Variants in MAX observed in about 807,000 individuals in gnomAD.
MAX encodes the protein protein max.
Under a neutral mutation model 22.3 loss-of-function variants are expected in MAX, and 3 were observed. The ratio of observed to expected loss-of-function variants is 0.13; its 90% CI spans 0.06 to 0.35. The LOEUF (loss-of-function observed/expected upper bound fraction) is 0.35. MAX is among the 10% of genes least tolerant of loss of function. The pLI is 1.00. For synonymous variants in MAX, 72 were observed against 77.7 expected, an observed-to-expected ratio of 0.93 and a Z score of 0.39; for missense variants, 119 against 209.4, an observed-to-expected ratio of 0.57 and a Z score of 2.66.
intron 2 of MAX, among the ~76,000 whole-genome samples, chr14:65,101,180 G>A (rs191237265): frequency 6.6e-6 from 1 of 152,310 alleles, no homozygotes; most frequent in African/African-American, 2.4e-5. Flanking sequence ...AAACCTACTT[G>A]TTCCTAAATA....
At chr14:65,070,938 G>C (rs2062981697), downstream of MAX, among the ~76,000 whole-genome samples, 1 of 152,254 alleles carries the variant, frequency 6.6e-6, no homozygotes, top group African/African-American at 2.4e-5. This position sits in a 1 kb window ranked among gnomAD's most constrained non-coding sequence, Gnocchi z 4.4. Context: ...TAATGGCTCT[G>C]AGCCAGCCTG....
chr14:65,045,699 A>G (rs1454912291), intron 3 of MAX, among the ~76,000 whole-genome samples: 1 of 152,026 alleles, frequency 6.6e-6, no homozygotes, highest in Admixed American at 6.6e-5. Flanking sequence ...TATAGGCGTG[A>G]GCCACCGCAC....
chr14:65,020,330 C>T (rs557269623), intron 3 of MAX, among the ~76,000 whole-genome samples: 127 of 152,372 alleles, frequency 8.3e-4, no homozygotes, highest in African/African-American at 2.8e-3. Context: ...CTGGGCTGGT[C>T]TCAATCTCCT....
Position 65,028,124 on chromosome 14 carries a change from G to A in MAX, c.172-21840C>T, listed in dbSNP as rs1436101415. Reference sequence around the variant, plus strand: ...TCACCTCTCTGAGATAGGAAGGGAGGGGAAAGTCCAGCAGGGCCTCAGTAA... The same window carrying A: ...TCACCTCTCTGAGATAGGAAGGGAGAGGAAAGTCCAGCAGGGCCTCAGTAA... On this transcript the variant is annotated intron_variant, in intron 3 of 3. Transcript: ENST00000341653. This position sits in a 1 kb window ranked among gnomAD's most constrained non-coding sequence, Gnocchi z 4.4. Among the ~76,000 whole-genome samples the A allele has an allele frequency of 1.3e-5, 2 of 152,148 alleles. No homozygotes were observed. The highest frequency in any genetic ancestry group is 2.9e-5 in the Non-Finnish European group (2 of 68,032).
At chr14:65,071,066 T>C (rs973659392), downstream of MAX, among the ~76,000 whole-genome samples, 4 of 152,176 alleles carry the variant, frequency 2.6e-5, no homozygotes, top group Admixed American at 6.5e-5. This position sits in a 1 kb window ranked among gnomAD's most constrained non-coding sequence, Gnocchi z 4.2. Context: ...GCATTCAACA[T>C]ACATTTACCT....
chr14:65,024,924 T>G (rs2061952782), intron 3 of MAX, among the ~76,000 whole-genome samples: 1 of 152,148 alleles, frequency 6.6e-6, no homozygotes, highest in Non-Finnish European at 1.5e-5. Context: ...TGGCTCCTTT[T>G]TTTTGTTTGT....
chr14:65,087,984 T>G (rs148748792), intron 3 of MAX, among the ~76,000 whole-genome samples: 1,655 of 152,262 alleles, frequency 0.011, 12 homozygotes, highest in South Asian at 0.017. Context: ...TCTGATGGTT[T>G]TAAAAACAGG....
chr14:65,058,201 TTTTC>T (rs34742241), intron 3 of MAX, among the ~76,000 whole-genome samples: 16,975 of 151,490 alleles, frequency 0.11, 1,345 homozygotes, highest in African/African-American at 0.22. Flanking sequence ...ATAATTTTTC[TTTTC>T]TTTAATGTCT....
intron 3 of MAX, among the ~76,000 whole-genome samples, chr14:65,006,466 GCT>G (rs1435140979): frequency 1.3e-5 from 2 of 152,208 alleles, no homozygotes; most frequent in Admixed American, 1.3e-4. Flanking sequence ...GGGAGAACGA[GCT>G]CTCTTAAATG....
Position 65,032,756 on chromosome 14 carries a change from C to A in MAX, c.172-26472G>T. ...AGAGCAGGCGGTCACGACACTACTT[C>A]AGAAAAATAAAGAAAATGCAGAGGG... On this transcript the variant is annotated intron_variant, in intron 3 of 3. Coordinates refer to the MAX transcript ENST00000341653. This position sits in a 1 kb window ranked among gnomAD's most constrained non-coding sequence, Gnocchi z 5.0. The A allele has an allele frequency of 6.6e-7, 1 of 1,524,632 alleles. No individual in the cohort carries two copies. Among genetic ancestry groups the A allele is most frequent in the East Asian group, 2.3e-5 (1 of 42,898 alleles). 94.4% of individuals were successfully genotyped at this position (1,524,632 alleles called of 1,614,324 possible).
intron 3 of MAX, among the ~76,000 whole-genome samples, chr14:65,043,828 CAAAAAAAAA>C (rs749243788): frequency 3.6e-4 from 23 of 64,244 alleles, no homozygotes; most frequent in East Asian, 2.6e-3. Flanking sequence ...GACTCCGTCT[CAAAAAAAAA>C]AAAAAAAAAA....
At chr14:65,086,468 C>T (rs2063336463) in intron 3 of MAX, among the ~76,000 whole-genome samples, 1 of 152,150 alleles carries the variant, frequency 6.6e-6, no homozygotes, top group South Asian at 2.1e-4. Context: ...AAAGTCCAGG[C>T]TGAGGTGGTC....
intron 3 of MAX, among the ~76,000 whole-genome samples, chr14:65,037,249 G>T (rs2062213147): frequency 1.3e-5 from 2 of 149,846 alleles, no homozygotes; most frequent in Admixed American, 1.3e-4. Context: ...GACTACAGAA[G>T]CCCACGACCA....
At chr14:65,015,822 C>G (rs914550110) in intron 3 of MAX, 4 of 1,308,042 alleles carry the variant, frequency 3.1e-6, no homozygotes, top group Non-Finnish European at 4.3e-6. Flanking sequence ...AAAAACAGTG[C>G]CACAAAGAAA....
chr14:65,049,127 A>T (rs1396709441), intron 3 of MAX, among the ~76,000 whole-genome samples: 39 of 29,256 alleles, frequency 1.3e-3, no homozygotes, highest in African/African-American at 9.2e-3. Flanking sequence ...ACTCCGTCTA[A>T]AAAAAAAAAA....
In MAX at chr14:65,078,533, GT is replaced by G. The variant is rs1157935028; in HGVS notation, c.172-498del. ...GCCTGTTGTTGTTGTTGTTGTTGTT[GT>G]TTTTTTTTTTTTGGAGACGTAGTCT... On this transcript the variant is annotated intron_variant, in intron 3 of 4. Coordinates refer to ENST00000358664, the MANE Select transcript of MAX (RefSeq NM_002382.5). The surrounding 1 kb of genome is among the most constrained non-coding windows in gnomAD (Gnocchi z 6.4). Among the ~76,000 whole-genome samples the G allele has an allele frequency of 4.4e-4, 60 of 136,186 alleles. No individual in the cohort carries two copies. In the South Asian group the frequency reaches 4.8e-3, roughly 11 times the overall value. 89.3% of individuals were successfully genotyped at this position (136,186 alleles called of 152,430 possible). A position where few individuals can be genotyped will look rare whatever the true frequency, so the allele number is the denominator to read the frequency against.
chr14:65,012,780 TC>T lies in MAX; in HGVS notation c.172-6497del, dbSNP rs2061704548. 6.6e-6 allele frequency among the ~76,000 whole-genome samples: 1 copy of T among 152,244 alleles called. No individual in the cohort carries two copies. The highest frequency in any genetic ancestry group is 2.1e-4 in the South Asian group (1 of 4,828). The stretch of plus-strand genomic sequence containing the variant: ...AGGACTATTGTCCAAACCTGTTAAG[TC>T]TGTATCGTGATGGTTACAAATTTTC... On this transcript the variant is annotated intron_variant, in intron 3 of 3. Coordinates refer to the MAX transcript ENST00000341653. This position sits in a 1 kb window ranked among gnomAD's most constrained non-coding sequence, Gnocchi z 5.0.
Position 65,032,425 on chromosome 14 carries a change from A to T in MAX, c.172-26141T>A. ...TTTCACTGAAGCCATGCCGTGAGCA[A>T]CTCTATCCAAATAGAATGTCACACC... On this transcript the variant is annotated intron_variant, in intron 3 of 3. Coordinates refer to the MAX transcript ENST00000341653. This position sits in a 1 kb window ranked among gnomAD's most constrained non-coding sequence, Gnocchi z 5.0. The T allele has an allele frequency of 1.9e-6, 1 of 522,834 alleles. No homozygotes were observed. The allele number at this position is 522,834 out of a possible 1,614,324, so 32.4% of individuals were successfully genotyped here.
intron 3 of MAX, among the ~76,000 whole-genome samples, chr14:65,041,488 AAC>A (rs1288111826): frequency 6.6e-6 from 1 of 152,124 alleles, no homozygotes; most frequent in Non-Finnish European, 1.5e-5. Flanking sequence ...TGGGTGCACA[AAC>A]ACACACACCT....
Sources: gnomAD v4.1 joint callset for allele counts (sites outside exome capture counted in the v4.1 genomes callset) on GRCh38, gnomAD v4.1.1 for gene constraint, Gnocchi (gnomAD v3.1) non-coding constraint, MANE v1.5 for transcripts, NCBI Gene and HGNC (gene_info 2026-07-23, HGNC 2026-07-21) for gene names.